The following PPP2R2C variants were observed in gnomAD, a reference collection of about 807,000 sequenced individuals.
PPP2R2C encodes the protein protein phosphatase 2, regulatory subunit B, gamma.
In PPP2R2C, 10 loss-of-function variants were observed where a neutral mutation model predicts 45.3. That is an observed-to-expected ratio of 0.22 (90% CI 0.14 to 0.37). The LOEUF is 0.37. Ranked by LOEUF, PPP2R2C falls within the 10% of genes least tolerant of loss-of-function variation. PPP2R2C has a pLI of 1.00. For synonymous variants in PPP2R2C, 257 were observed against 245.4 expected (o/e 1.05, Z -0.44); for missense variants, 308 against 619.7 (o/e 0.50, Z 5.34).
chr4:6,394,997 G>A (rs988322880), intron 1 of PPP2R2C, among the ~76,000 whole-genome samples: 16 of 152,018 alleles, frequency 1.1e-4, no homozygotes, highest in East Asian at 1.9e-4. Flanking sequence ...GCCCCCCTCC[G>A]CCCACCTCCC....
At chr4:6,414,179 C>G (rs1369406564) in intron 1 of PPP2R2C, 2 of 916,954 alleles carry the variant, frequency 2.2e-6, no homozygotes, top group Non-Finnish European at 3.0e-6. Flanking sequence ...CTTTTTCCTC[C>G]TCCTGGCTGG....
At chr4:6,349,932 G>A (rs892787015) in intron 5 of PPP2R2C, 11 of 985,112 alleles carry the variant, frequency 1.1e-5, no homozygotes, top group African/African-American at 5.2e-5. Context: ...CTCTAAACCC[G>A]AGGGTTTATA....
intron 2 of PPP2R2C, among the ~76,000 whole-genome samples, chr4:6,486,005 A>C (rs950554352): frequency 1.3e-5 from 2 of 151,898 alleles, no homozygotes; most frequent in Admixed American, 6.6e-5. Flanking sequence ...ACTTCCTTCT[A>C]TTCCAATATA....
chr4:6,348,842 A>ACATTTAGCAGTCTGGGGG, intron 5 of PPP2R2C: 1 of 652,540 alleles, frequency 1.5e-6, no homozygotes, highest in Non-Finnish European at 1.9e-6. Flanking sequence ...CATTCCCCCC[A>ACATTTAGCAGTCTGGGGG]GACTGCTAAA....
intron 6 of PPP2R2C, among the ~76,000 whole-genome samples, chr4:6,337,552 C>T (rs1456199973): frequency 6.6e-6 from 1 of 152,112 alleles, no homozygotes; most frequent in Non-Finnish European, 1.5e-5. Context: ...CTTAGTACCC[C>T]CTCGCCTGCT....
At chr4:6,356,974 C>CA (rs1713258728) in intron 5 of PPP2R2C, among the ~76,000 whole-genome samples, 1 of 151,464 alleles carries the variant, frequency 6.6e-6, no homozygotes, top group African/African-American at 2.4e-5. Context: ...GGGCCAGTCT[C>CA]AGCCTCTCTG....
chr4:6,501,199 T>C (rs1033969134), intron 2 of PPP2R2C, among the ~76,000 whole-genome samples: 4 of 152,124 alleles, frequency 2.6e-5, no homozygotes, highest in African/African-American at 9.7e-5. Flanking sequence ...TTGCTGCACA[T>C]CTAACCCAGC....
intron 2 of PPP2R2C, among the ~76,000 whole-genome samples, chr4:6,518,754 C>G (rs1723910070): frequency 6.6e-6 from 1 of 151,786 alleles, no homozygotes; most frequent in African/African-American, 2.4e-5. Flanking sequence ...GAAACCCCAT[C>G]TCTACTAAAA....
intron 2 of PPP2R2C, among the ~76,000 whole-genome samples, chr4:6,497,307 G>T (rs961756779): frequency 1.3e-5 from 2 of 152,136 alleles, no homozygotes; most frequent in African/African-American, 4.8e-5. Flanking sequence ...AATACTTAAG[G>T]CCGTGTGATA....
chr4:6,499,337 C>T (rs1265285467), intron 2 of PPP2R2C, among the ~76,000 whole-genome samples: 4 of 152,138 alleles, frequency 2.6e-5, no homozygotes, highest in African/African-American at 7.2e-5. Flanking sequence ...CACTGTGGAG[C>T]GCAACCCTGC....
intron 2 of PPP2R2C, among the ~76,000 whole-genome samples, chr4:6,479,518 G>C (rs571659815): frequency 5.3e-5 from 8 of 151,304 alleles, no homozygotes; most frequent in African/African-American, 1.9e-4. Context: ...CTGTGTGGAA[G>C]GGCCCAGAGC....
chr4:6,511,124 G>T (rs1376335884), intron 2 of PPP2R2C, among the ~76,000 whole-genome samples: 3 of 152,162 alleles, frequency 2.0e-5, no homozygotes, highest in Non-Finnish European at 2.9e-5. Context: ...CTGTAACATG[G>T]AGATAATAAT....
intron 5 of PPP2R2C, among the ~76,000 whole-genome samples, chr4:6,367,878 C>A (rs1714469005): frequency 6.6e-6 from 1 of 152,234 alleles, no homozygotes; most frequent in African/African-American, 2.4e-5. Context: ...GGAGACTCCA[C>A]TCAACTCCTG....
Position 6,378,696 on chromosome 4 carries a change from G to C in PPP2R2C, c.169-124C>G, listed in dbSNP as rs927847093. On this transcript the variant is annotated intron_variant, in intron 2 of 8. Transcript: ENST00000382599. The surrounding 1 kb of genome is among the most constrained non-coding windows in gnomAD (Gnocchi z 5.2). ...CCGAGCCGTGCCAGGGATCCAATTC[G>C]AGGGTCAAATGAAACTCTCTGCAGC... is the stretch of plus-strand genomic sequence containing the variant. The C allele has an allele frequency of 1.9e-6, 2 of 1,050,930 alleles. No homozygotes were observed. The highest frequency in any genetic ancestry group is 1.6e-5 in the African/African-American group (1 of 62,678). 65.1% of individuals were successfully genotyped at this position (1,050,930 alleles called of 1,614,324 possible). A position where few individuals can be genotyped will look rare whatever the true frequency, so the allele number is the denominator to read the frequency against.
chr4:6,423,604 C>T (rs946159606), intron 1 of PPP2R2C, among the ~76,000 whole-genome samples: 2 of 152,108 alleles, frequency 1.3e-5, no homozygotes, highest in Admixed American at 1.3e-4. Flanking sequence ...GTAAACAGAC[C>T]CAAAAAATAA....
At chr4:6,557,295 A>T (rs970951793) in intron 1 of PPP2R2C, among the ~76,000 whole-genome samples, 1 of 152,158 alleles carries the variant, frequency 6.6e-6, no homozygotes, top group Non-Finnish European at 1.5e-5. Context: ...AACATCTACA[A>T]CAACAGGAAC....
intron 2 of PPP2R2C, among the ~76,000 whole-genome samples, chr4:6,511,486 TTGGTGGTGATGGCGGTGA>T (rs1723478803): frequency 7.9e-5 from 1 of 12,658 alleles, no homozygotes; most frequent in Non-Finnish European, 1.6e-4. Context: ...GATGGCGGTG[TTGGTGGTGATGGCGGTGA>T]TGGTGGTGGT....
At chr4:6,363,153 T>G (rs4234737) in intron 5 of PPP2R2C, among the ~76,000 whole-genome samples, 138,206 of 152,222 alleles carry the variant, frequency 0.91, 63,378 homozygotes, top group East Asian at 1. Flanking sequence ...CTCAGTCATG[T>G]TGGAGGCTGA....
chr4:6,497,279 A>G (rs984072448), intron 2 of PPP2R2C, among the ~76,000 whole-genome samples: 2 of 152,190 alleles, frequency 1.3e-5, no homozygotes, highest in African/African-American at 4.8e-5. Flanking sequence ...GTGCCCTACC[A>G]GATAGCAAGG....
Sources: allele counts gnomAD v4.1 joint callset (sites outside exome capture counted in the v4.1 genomes callset), GRCh38; gene constraint gnomAD v4.1.1; non-coding constraint Gnocchi (gnomAD v3.1); transcripts MANE v1.5; gene names NCBI Gene and HGNC (gene_info 2026-07-23, HGNC 2026-07-21).